SDK2: variants seen among roughly 807,000 people sequenced by gnomAD.
SDK2 encodes the protein protein sidekick-2.
Under a neutral mutation model 253.9 loss-of-function variants are expected in SDK2, and 105 were observed. That is an observed-to-expected ratio of 0.41 (90% CI 0.35 to 0.49). The LOEUF (loss-of-function observed/expected upper bound fraction) is 0.49, where lower values mean the gene tolerates loss of function less well. Among genes scored for constraint, SDK2 ranks in the 20% least tolerant of loss-of-function variants. The pLI is 0.06. For synonymous variants in SDK2, 1,249 were observed against 1,234.9 expected, an observed-to-expected ratio of 1.01 and a Z score of -0.24; for missense variants, 2,608 against 3,003.0, an observed-to-expected ratio of 0.87 and a Z score of 3.07.
rs540415385 is a variant in SDK2, at chr17:73,391,454, T to C, written c.3983A>G (p.Asn1328Ser). Residue 1328 changes from asparagine (N) to serine (S), a missense_variant, in exon 28 of 45, where the codon AAT becomes AGT. By Grantham distance (46) the Asn-to-Ser change is conservative. Around this residue, in one of 2 missense-constraint regions of SDK2, gnomAD observed 1,505 missense variants for 1,859.1 expected, o/e 0.81. Coordinates refer to ENST00000392650, the MANE Select transcript of SDK2 (RefSeq NM_001144952.2). ...CAAAGGCTTACCAAGAATGATGCCATTGGGGGCGGCAGGGGGCTGCCAGAT... is the reference window on the plus strand; with the variant it reads ...CAAAGGCTTACCAAGAATGATGCCACTGGGGGCGGCAGGGGGCTGCCAGAT... ...RLIWQPPAAP[N>S]GIILAYQITH... The C allele has an allele frequency of 4.7e-5, 61 of 1,309,598 alleles. No homozygotes were observed. Among genetic ancestry groups the C allele is most frequent in the African/African-American group, 2.6e-4 (17 of 66,382 alleles). The allele number at this position is 1,309,598 out of a possible 1,614,324, so 81.1% of individuals were successfully genotyped here. A position where few individuals can be genotyped will look rare whatever the true frequency, so the allele number is the denominator to read the frequency against.
In SDK2 at chr17:73,352,702, C is replaced by T. The variant is rs2062550281; in HGVS notation, c.5594-65G>A. ...GAAGCCCCAAATCCCGCTCCCAGCC[C>T]CGTTCTGACTATGCTCCCTGAGGGC... On this transcript the variant is annotated intron_variant, in intron 40 of 44. Coordinates refer to ENST00000392650, the MANE Select transcript of SDK2 (RefSeq NM_001144952.2). This position sits in a 1 kb window ranked among gnomAD's most constrained non-coding sequence, Gnocchi z 4.1. 2 of 1,548,060 alleles carry T rather than the reference C, an allele frequency of 1.3e-6. No homozygotes were observed. The highest frequency in any genetic ancestry group is 1.7e-4 in the Middle Eastern group (1 of 5,898).
intron 18 of SDK2, among the ~76,000 whole-genome samples, chr17:73,411,242 CCTT>C (rs1249189312): frequency 1.3e-5 from 2 of 152,206 alleles, no homozygotes; most frequent in Admixed American, 6.5e-5. Context: ...GACCATCCCT[CCTT>C]TGTTTGCTTG....
chr17:73,438,149 A>AG lies in SDK2; in HGVS notation c.730dup (p.Leu244ProfsTer21). 6.4e-7 allele frequency: 1 copy of AG among 1,550,388 alleles called. No individual in the cohort carries two copies. Among genetic ancestry groups the AG allele is most frequent in the Non-Finnish European group, 8.7e-7 (1 of 1,146,124 alleles). ...CTTCCAAATGATATGTAGCTTGATC[A>AG]GGGGCCTGCAGAGGGCAAGGGAAGG... On this transcript the variant is annotated frameshift_variant, in exon 7 of 45. Coordinates refer to ENST00000392650, the MANE Select transcript of SDK2 (RefSeq NM_001144952.2). LOFTEE classifies it high-confidence loss of function.
chr17:73,425,859 G>A (rs1477027612), intron 12 of SDK2, among the ~76,000 whole-genome samples: 3 of 151,944 alleles, frequency 2.0e-5, no homozygotes, highest in Non-Finnish European at 4.4e-5. Context: ...CCTGTAATAT[G>A]AGGAAACTAA....
At chr17:73,343,556 A>T (rs1182692704) in intron 44 of SDK2, among the ~76,000 whole-genome samples, 2 of 152,204 alleles carry the variant, frequency 1.3e-5, no homozygotes, top group African/African-American at 4.8e-5. Flanking sequence ...CTGTCCTGCC[A>T]GGCCGCCAGG....
At chr17:73,425,399 C>G (rs1288226938) in intron 12 of SDK2, among the ~76,000 whole-genome samples, 2 of 152,258 alleles carry the variant, frequency 1.3e-5, no homozygotes, top group Non-Finnish European at 2.9e-5. Flanking sequence ...TTCTTCCCCG[C>G]CCGGATAGGC....
rs1164419344 is a variant in SDK2 at position 73,336,228 on chromosome 17, C to T, written c.*2359G>A. 1 of 150,426 alleles carries T rather than the reference C, an allele frequency of 6.6e-6. No homozygotes were observed. Among genetic ancestry groups the T allele is most frequent in the Non-Finnish European group, 1.5e-5 (1 of 67,764 alleles). 9.3% of individuals were successfully genotyped at this position (150,426 alleles called of 1,614,324 possible). ...GAGGAAAGAAAAGAAAGCTGTGCGG[C>T]ACGATCACAGGCCGGCAGCTGCAGA... On this transcript the variant is annotated 3_prime_UTR_variant, in exon 45 of 45. Coordinates refer to ENST00000392650, the MANE Select transcript of SDK2 (RefSeq NM_001144952.2).
At chr17:73,528,224 GAGAC>G (rs1291560114) in intron 1 of SDK2, among the ~76,000 whole-genome samples, 1 of 152,180 alleles carries the variant, frequency 6.6e-6, no homozygotes, top group African/African-American at 2.4e-5. Flanking sequence ...AATTCCCAGA[GAGAC>G]AGGGGAGAGT....
chr17:73,557,218 G>A (rs2045156775), intron 1 of SDK2, among the ~76,000 whole-genome samples: 2 of 152,144 alleles, frequency 1.3e-5, no homozygotes, highest in South Asian at 2.1e-4. Context: ...CATAGCGCAC[G>A]CTCAACAAAT....
chr17:73,562,541 CA>C lies in SDK2; in HGVS notation c.65-54945del, dbSNP rs1217495992. ...GGGGAACATGAGGCCAGGCACTTCT[CA>C]AAGAAGAGAGAGAGACAGGAGAGGC... On this transcript the variant is annotated intron_variant, in intron 1 of 44. Coordinates refer to ENST00000392650, the MANE Select transcript of SDK2 (RefSeq NM_001144952.2). 6.6e-5 allele frequency among the ~76,000 whole-genome samples: 10 copies of C among 151,974 alleles called. No individual in the cohort carries two copies. The East Asian group carries it at 1.5e-3, about 24-fold the overall frequency.
In SDK2 at chr17:73,383,192, G is replaced by A. The variant is rs889598730; in HGVS notation, c.4705+684C>T. 6.6e-6 allele frequency among the ~76,000 whole-genome samples: 1 copy of A among 152,190 alleles called. No individual in the cohort carries two copies. The highest frequency in any genetic ancestry group is 1.9e-4 in the East Asian group (1 of 5,194). On this transcript the variant is annotated intron_variant, in intron 33 of 44. Coordinates refer to ENST00000392650, the MANE Select transcript of SDK2 (RefSeq NM_001144952.2). The surrounding 1 kb of genome is among the most constrained non-coding windows in gnomAD (Gnocchi z 4.3). ...AGCCTCTATCTGGGCGCCTGCCTCT[G>A]GCTCTCCATCCTCCCACCATGGCCA...
chr17:73,502,294 T>C (rs187946025), intron 2 of SDK2, among the ~76,000 whole-genome samples: 183 of 152,372 alleles, frequency 1.2e-3, no homozygotes, highest in Middle Eastern at 3.4e-3. Flanking sequence ...TATTATCATC[T>C]TACTCAGAGC....
chr17:73,451,796 T>C (rs986295997), intron 4 of SDK2, among the ~76,000 whole-genome samples: 3 of 152,192 alleles, frequency 2.0e-5, no homozygotes, highest in African/African-American at 7.2e-5. Flanking sequence ...GGGATGATGC[T>C]GTACTGTACT....
At chr17:73,605,406 A>G (rs971873230) in intron 1 of SDK2, among the ~76,000 whole-genome samples, 1 of 152,054 alleles carries the variant, frequency 6.6e-6, no homozygotes, top group East Asian at 1.9e-4. Flanking sequence ...AAGAAAGCAC[A>G]GGGGGTGGAA....
chr17:73,439,449 G>A (rs538903794), intron 6 of SDK2, among the ~76,000 whole-genome samples: 18 of 152,270 alleles, frequency 1.2e-4, no homozygotes, highest in African/African-American at 3.4e-4. Flanking sequence ...GGCTGGACAC[G>A]GTGGCTCACA....
intron 2 of SDK2, 140 bp from the exon 3 acceptor site, chr17:73,472,358 A>G (rs2063658113): frequency 1.6e-6 from 1 of 623,108 alleles, no homozygotes; most frequent in Non-Finnish European, 2.9e-6. Flanking sequence ...CTCTCTAGCC[A>G]TGTCATAGGA....
intron 1 of SDK2, among the ~76,000 whole-genome samples, chr17:73,559,602 C>CCG (rs1337411044): frequency 1.5e-5 from 2 of 132,348 alleles, no homozygotes; most frequent in Non-Finnish European, 3.1e-5. Context: ...CCCTGTGCCC[C>CCG]CCGCCCCCGC....
rs1555746393 is a variant in SDK2 at position 73,337,053 on chromosome 17, A to ATGTGTATG, written c.*1533_*1534insCATACACA. The ATGTGTATG allele has an allele frequency of 2.7e-5, 4 of 148,710 alleles. No individual in the cohort carries two copies. The highest frequency in any genetic ancestry group is 4.9e-5 in the African/African-American group (2 of 40,520). 9.2% of individuals were successfully genotyped at this position (148,710 alleles called of 1,614,324 possible). ...TCCTTGGAGCAGATTGTGTATGTGT[A>ATGTGTATG]TGTGTGTGTGTGTGTGTGTGTGTGT... On this transcript the variant is annotated 3_prime_UTR_variant, in exon 45 of 45. Transcript: ENST00000392650.
At chr17:73,478,832 C>G (rs2063703581) in intron 2 of SDK2, among the ~76,000 whole-genome samples, 2 of 152,242 alleles carry the variant, frequency 1.3e-5, no homozygotes, top group Admixed American at 1.3e-4. Flanking sequence ...AATAGGCACA[C>G]TCTCCTTGTA....
Sources: allele counts gnomAD v4.1 joint callset (sites outside exome capture counted in the v4.1 genomes callset), GRCh38; gene constraint gnomAD v4.1.1; regional missense constraint gnomAD v4.1.1; non-coding constraint Gnocchi (gnomAD v3.1); transcripts MANE v1.5; gene names NCBI Gene and HGNC (gene_info 2026-07-23, HGNC 2026-07-21).